NKAIN2: variants seen among roughly 807,000 people sequenced by gnomAD.
NKAIN2 encodes the protein sodium/potassium transporting ATPase interacting 2, also known as sodium/potassium-transporting ATPase subunit beta-1-interacting protein 2.
Under a neutral mutation model 32.6 loss-of-function variants are expected in NKAIN2, and 14 were observed. The ratio of observed to expected loss-of-function variants is 0.43; its 90% confidence interval spans 0.28 to 0.67. The LOEUF is 0.67. NKAIN2 is among the 30% of genes least tolerant of loss of function. NKAIN2 has a pLI of 0.17. For synonymous variants in NKAIN2, 80 were observed against 87.2 expected (o/e 0.92, Z 0.46); for missense variants, 198 against 258.3 (o/e 0.77, Z 1.60).
chr6:123,993,596 A>C (rs550651546), intron 1 of NKAIN2, among the ~76,000 whole-genome samples: 65 of 152,290 alleles, frequency 4.3e-4, no homozygotes, highest in Non-Finnish European at 7.8e-4. Context: ...AATACCGTGG[A>C]ATCAGTGAGA....
At chr6:124,401,990 T>C (rs73770486) in intron 3 of NKAIN2, among the ~76,000 whole-genome samples, 4,702 of 152,276 alleles carry the variant, frequency 0.031, 201 homozygotes, top group African/African-American at 0.11. Context: ...AAATAATAAA[T>C]ACTCTCCTGT....
At position 124,192,854 on chromosome 6, in the gene NKAIN2, A is replaced by G. The variant is rs866134740; in HGVS notation, c.55-90151A>G. ...AAGCTCCGCCTCCCGGGTTCACGCC[A>G]TTCTCCTGCCTCAGCCTCCCGAGTA... On this transcript the variant is annotated intron_variant, in intron 1 of 6. Coordinates refer to ENST00000368417, the MANE Select transcript of NKAIN2 (RefSeq NM_001040214.3). Among the ~76,000 whole-genome samples the G allele has an allele frequency of 1.3e-4, 18 of 140,574 alleles. No individual in the cohort carries two copies. In the Admixed American group the frequency reaches 1.4e-3, roughly 11 times the overall value. The allele number at this position is 140,574 out of a possible 152,430, so 92.2% of individuals were successfully genotyped here.
intron 1 of NKAIN2, among the ~76,000 whole-genome samples, chr6:123,880,376 A>C (rs1454276207): frequency 2.6e-5 from 4 of 152,148 alleles, no homozygotes; most frequent in Non-Finnish European, 4.4e-5. Context: ...AAATTATAAG[A>C]ATTCACTACA....
chr6:124,402,487 G>A (rs1773665679), intron 3 of NKAIN2, among the ~76,000 whole-genome samples: 3 of 152,118 alleles, frequency 2.0e-5, no homozygotes, highest in Admixed American at 1.3e-4. Flanking sequence ...CTATCCTCAT[G>A]CCAAACACTT....
chr6:124,161,637 A>C (rs1334128619), intron 1 of NKAIN2, among the ~76,000 whole-genome samples: 1 of 152,164 alleles, frequency 6.6e-6, no homozygotes, highest in African/African-American at 2.4e-5. Flanking sequence ...ATGAGCATGC[A>C]TAAGACATTA....
At chr6:124,114,723 G>A (rs995494592) in intron 1 of NKAIN2, among the ~76,000 whole-genome samples, 9 of 152,140 alleles carry the variant, frequency 5.9e-5, no homozygotes, top group African/African-American at 2.4e-5. Flanking sequence ...ACACTCAGAA[G>A]CCCAATAAAG....
At chr6:124,344,454 C>T (rs902268206) in intron 2 of NKAIN2, among the ~76,000 whole-genome samples, 85 of 151,700 alleles carry the variant, frequency 5.6e-4, no homozygotes, top group African/African-American at 1.9e-3. Flanking sequence ...TTGATTCTTC[C>T]TACCCATGAG....
chr6:124,339,740 A>C (rs1263616569), intron 2 of NKAIN2, among the ~76,000 whole-genome samples: 1 of 152,136 alleles, frequency 6.6e-6, no homozygotes, highest in Non-Finnish European at 1.5e-5. Context: ...ATTTTTTGCT[A>C]TAATAGTAAC....
chr6:124,819,421 C>A (rs2114880285), intron 6 of NKAIN2, among the ~76,000 whole-genome samples: 1 of 152,226 alleles, frequency 6.6e-6, no homozygotes, highest in East Asian at 1.9e-4. Flanking sequence ...ACTTGTAGTT[C>A]TCTGAAATCA....
intron 2 of NKAIN2, among the ~76,000 whole-genome samples, chr6:124,321,483 A>G (rs1467605592): frequency 1.3e-5 from 2 of 152,190 alleles, no homozygotes; most frequent in Admixed American, 1.3e-4. Flanking sequence ...ATTAAAAAAG[A>G]GTTTTGCTAA....
intron 3 of NKAIN2, among the ~76,000 whole-genome samples, chr6:124,630,328 T>C (rs1056802767): frequency 4.6e-5 from 7 of 152,140 alleles, no homozygotes; most frequent in Admixed American, 1.3e-4. Flanking sequence ...TTACACATGG[T>C]CACAAATCTC....
chr6:124,409,330 T>G (rs992815199), intron 3 of NKAIN2, among the ~76,000 whole-genome samples: 1 of 152,116 alleles, frequency 6.6e-6, no homozygotes, highest in Non-Finnish European at 1.5e-5. Flanking sequence ...GGCTGTGGGT[T>G]TGTCATAGAT....
intron 5 of NKAIN2, among the ~76,000 whole-genome samples, chr6:124,806,344 TAAAGA>T (rs1562394411): frequency 6.6e-6 from 1 of 152,016 alleles, no homozygotes; most frequent in South Asian, 2.1e-4. Context: ...TCAACATACT[TAAAGA>T]AAAGATTTTT....
intron 3 of NKAIN2, among the ~76,000 whole-genome samples, chr6:124,440,366 T>C (rs1353668123): frequency 1.3e-5 from 2 of 152,098 alleles, no homozygotes; most frequent in African/African-American, 4.8e-5. Flanking sequence ...CTCCTTTTGC[T>C]GCAGCTGGTC....
At chr6:123,958,766 G>A (rs1401624465) in intron 1 of NKAIN2, among the ~76,000 whole-genome samples, 1 of 152,210 alleles carries the variant, frequency 6.6e-6, no homozygotes, top group Non-Finnish European at 1.5e-5. Context: ...GGCCTAGGCT[G>A]AATCGCTACG....
chr6:124,122,962 A>G (rs923966946), intron 1 of NKAIN2, among the ~76,000 whole-genome samples: 1 of 152,208 alleles, frequency 6.6e-6, no homozygotes, highest in Non-Finnish European at 1.5e-5. Flanking sequence ...CCAAAAGGCC[A>G]ATAAGTGATT....
chr6:124,511,058 G>T (rs981739894), intron 3 of NKAIN2, among the ~76,000 whole-genome samples: 1 of 152,076 alleles, frequency 6.6e-6, no homozygotes, highest in Non-Finnish European at 1.5e-5. Flanking sequence ...GGACAGAATT[G>T]ACATTACTAG....
At chr6:124,424,235 C>T (rs140111864) in intron 3 of NKAIN2, among the ~76,000 whole-genome samples, 5 of 152,100 alleles carry the variant, frequency 3.3e-5, no homozygotes, top group East Asian at 1.9e-4. Flanking sequence ...CCTCATGATC[C>T]GTCTGCTCGG....
intron 3 of NKAIN2, among the ~76,000 whole-genome samples, chr6:124,573,529 C>G (rs1781214837): frequency 6.6e-6 from 1 of 151,958 alleles, no homozygotes; most frequent in Non-Finnish European, 1.5e-5. Flanking sequence ...TTATCTCCAT[C>G]TAATTATTAA....
Sources: gnomAD v4.1 joint callset for allele counts (sites outside exome capture counted in the v4.1 genomes callset) on GRCh38, gnomAD v4.1.1 for gene constraint, MANE v1.5 for transcripts, NCBI Gene and HGNC (gene_info 2026-07-23, HGNC 2026-07-21) for gene names.